PLPP4: variants seen among roughly 807,000 people sequenced by gnomAD.
PLPP4 encodes the protein diacylglycerol pyrophosphate like 2.
In PLPP4, 20 loss-of-function variants were observed where a neutral mutation model predicts 32.2. That is an observed-to-expected ratio of 0.62 (90% confidence interval 0.44 to 0.90). PLPP4 has a LOEUF of 0.90. Among genes scored for constraint, PLPP4 ranks in the 40% least tolerant of loss-of-function variants. The pLI is 0.00. For missense variants in PLPP4, 257 were observed against 353.1 expected (o/e 0.73, Z 2.18); for synonymous variants, 127 against 133.0 (o/e 0.95, Z 0.31).
chr10:120,489,567 G>A (rs1244729085), intron 1 of PLPP4, among the ~76,000 whole-genome samples: 2 of 152,188 alleles, frequency 1.3e-5, no homozygotes, highest in African/African-American at 4.8e-5. Context: ...GAAGACCTTG[G>A]GGTGGGCATT....
chr10:120,538,585 A>G (rs1243979978), intron 5 of PLPP4, among the ~76,000 whole-genome samples: 2 of 152,016 alleles, frequency 1.3e-5, no homozygotes, highest in East Asian at 3.9e-4. Context: ...CTTCCATTGC[A>G]CCTGAGAGAA....
At chr10:120,552,170 G>GTGTA (rs1054101156) in intron 5 of PLPP4, among the ~76,000 whole-genome samples, 1 of 79,384 alleles carries the variant, frequency 1.3e-5, no homozygotes, top group Admixed American at 1.2e-4. Context: ...GGTGGGGTGT[G>GTGTA]TGTGTGTGTG....
intron 6 of PLPP4, among the ~76,000 whole-genome samples, chr10:120,587,673 A>T (rs1849824511): frequency 6.6e-6 from 1 of 152,234 alleles, no homozygotes; most frequent in Non-Finnish European, 1.5e-5. Flanking sequence ...GATACCTATA[A>T]CAGGATCACA....
intron 5 of PLPP4, among the ~76,000 whole-genome samples, chr10:120,558,167 C>T (rs991132633): frequency 6.6e-6 from 1 of 151,558 alleles, no homozygotes; most frequent in Non-Finnish European, 1.5e-5. Context: ...TTACTGTGGC[C>T]ATTATCTTGA....
chr10:120,565,093 T>C (rs1848623058), intron 5 of PLPP4, among the ~76,000 whole-genome samples: 1 of 152,194 alleles, frequency 6.6e-6, no homozygotes, highest in Non-Finnish European at 1.5e-5. Flanking sequence ...GAACATTAAA[T>C]GCTTTAACTC....
intron 2 of PLPP4, among the ~76,000 whole-genome samples, chr10:120,505,042 T>C (rs770453115): frequency 6.6e-6 from 1 of 152,272 alleles, no homozygotes; most frequent in Non-Finnish European, 1.5e-5. Flanking sequence ...TTTCACTGCC[T>C]ATATGCCAGG....
At chr10:120,462,745 G>A (rs1455306154) in intron 1 of PLPP4, among the ~76,000 whole-genome samples, 3 of 151,196 alleles carry the variant, frequency 2.0e-5, no homozygotes, top group Non-Finnish European at 3.0e-5. Context: ...ATCGAGGCCC[G>A]CAGAATCTGC....
chr10:120,488,725 G>A (rs1481417117), intron 1 of PLPP4, among the ~76,000 whole-genome samples: 2 of 152,154 alleles, frequency 1.3e-5, no homozygotes, highest in East Asian at 3.9e-4. Flanking sequence ...ACCACATACC[G>A]AGTCAAGCTG....
At chr10:120,494,331 G>A (rs1052288004) in intron 1 of PLPP4, among the ~76,000 whole-genome samples, 1 of 152,210 alleles carries the variant, frequency 6.6e-6, no homozygotes, top group African/African-American at 2.4e-5. Context: ...TCACTTCAGA[G>A]ATGAGGCAAC....
intron 5 of PLPP4, among the ~76,000 whole-genome samples, chr10:120,525,756 A>T (rs773533661): frequency 1.3e-5 from 2 of 152,206 alleles, no homozygotes; most frequent in African/African-American, 4.8e-5. Flanking sequence ...AATCATTTCC[A>T]TGCAGGATTC....
Position 120,506,061 on chromosome 10 carries a change from C to T in PLPP4, c.165+2135C>T, listed in dbSNP as rs550112170. 2.0e-5 allele frequency among the ~76,000 whole-genome samples: 3 copies of T among 152,248 alleles called. No individual in the cohort carries two copies. In the South Asian group the frequency reaches 6.2e-4, roughly 32 times the overall value. On this transcript the variant is annotated intron_variant, in intron 2 of 6. Transcript: ENST00000398250. ...AATATTCTGGCTACAGACGTAAATA[C>T]GATGGAGCAATTTGCATGCTGGCGG...
At chr10:120,512,828 A>G (rs1845785182) in intron 2 of PLPP4, among the ~76,000 whole-genome samples, 1 of 152,144 alleles carries the variant, frequency 6.6e-6, no homozygotes, top group African/African-American at 2.4e-5. Context: ...TAAAAAATAC[A>G]TTTAAAAAAG....
chr10:120,553,081 A>G (rs148345326), intron 5 of PLPP4, among the ~76,000 whole-genome samples: 12 of 152,322 alleles, frequency 7.9e-5, no homozygotes, highest in African/African-American at 2.6e-4. Flanking sequence ...ATGAAAGAAA[A>G]TATGTAGTAA....
chr10:120,582,715 C>T (rs1001570917), intron 6 of PLPP4, among the ~76,000 whole-genome samples: 2 of 151,312 alleles, frequency 1.3e-5, no homozygotes, highest in Non-Finnish European at 2.9e-5. Flanking sequence ...CAAGTTCTTT[C>T]CTTTTAAAAA....
intron 1 of PLPP4, among the ~76,000 whole-genome samples, chr10:120,460,918 A>T (rs1293548606): frequency 6.6e-6 from 1 of 152,236 alleles, no homozygotes; most frequent in Non-Finnish European, 1.5e-5. Context: ...TATAACCCTG[A>T]TTCAAACAGG....
Position 120,574,164 on chromosome 10 carries a change from ACACACTCTCTCT to A in PLPP4, c.446-965_446-954del, listed in dbSNP as rs1427342069. On this transcript the variant is annotated intron_variant, in intron 5 of 6. Transcript: ENST00000398250. The stretch of plus-strand genomic sequence containing the variant: ...CACACACACACACACACACACACAC[ACACACTCTCTCT>A]CTCTCTCTCTCTCTCTCTCTCTCTC... Among the ~76,000 whole-genome samples, 497 of 67,092 alleles carry A rather than the reference ACACACTCTCTCT, an allele frequency of 7.4e-3. 2 individuals carry two copies. Among genetic ancestry groups the A allele is most frequent in the East Asian group, 0.026 (51 of 1,986 alleles). The allele number at this position is 67,092 out of a possible 152,430, so 44.0% of individuals were successfully genotyped here. A position where few individuals can be genotyped will look rare whatever the true frequency, so the allele number is the denominator to read the frequency against.
chr10:120,484,738 G>A lies in PLPP4; in HGVS notation c.57-19080G>A, dbSNP rs116162179. ...CGAACCATAAAAATGGAAGAATAAT[G>A]TTCCCCCAGGGATGTCCACATCCTC... is the stretch of plus-strand genomic sequence containing the variant. On this transcript the variant is annotated intron_variant, in intron 1 of 6. Coordinates refer to ENST00000398250, the MANE Select transcript of PLPP4 (RefSeq NM_001030059.3). 5.0e-3 allele frequency among the ~76,000 whole-genome samples: 761 copies of A among 152,284 alleles called. 7 individuals carry two copies. The highest frequency in any genetic ancestry group is 0.018 in the African/African-American group (728 of 41,560).
intron 5 of PLPP4, among the ~76,000 whole-genome samples, chr10:120,522,308 AGCCGTTGAAGAATAGG>A (rs1343328814): frequency 6.6e-6 from 1 of 152,160 alleles, no homozygotes; most frequent in Non-Finnish European, 1.5e-5. Flanking sequence ...TGTTGCTCAG[AGCCGTTGAAGAATAGG>A]GCCTGTCAAC....
chr10:120,497,491 A>G (rs1366426901), intron 1 of PLPP4, among the ~76,000 whole-genome samples: 1 of 152,128 alleles, frequency 6.6e-6, no homozygotes, highest in Non-Finnish European at 1.5e-5. Flanking sequence ...GTATGTATAT[A>G]TAATTATAAG....
Sources: allele counts gnomAD v4.1 joint callset (sites outside exome capture counted in the v4.1 genomes callset), GRCh38; gene constraint gnomAD v4.1.1; transcripts MANE v1.5; gene names NCBI Gene and HGNC (gene_info 2026-07-23, HGNC 2026-07-21).